Variants in PTPRM observed in about 807,000 individuals in gnomAD.
PTPRM encodes the protein receptor-type tyrosine-protein phosphatase mu.
PTPRM carries 47 observed loss-of-function variants against 186.7 expected under a neutral mutation model. The observed-to-expected ratio is 0.25, with a 90% CI of 0.20 to 0.32. The LOEUF (loss-of-function observed/expected upper bound fraction) is 0.32, where lower values mean the gene tolerates loss of function less well. Ranked by LOEUF, PTPRM falls within the 10% of genes least tolerant of loss-of-function variation. The pLI is 1.00. For synonymous variants in PTPRM, 668 were observed against 674.9 expected, an observed-to-expected ratio of 0.99 and a Z score of 0.16; for missense variants, 1,494 against 1,865.0, an observed-to-expected ratio of 0.80 and a Z score of 3.66.
chr18:7,631,211 T>C (rs1271550151), intron 1 of PTPRM, among the ~76,000 whole-genome samples: 1 of 152,222 alleles, frequency 6.6e-6, no homozygotes, highest in Non-Finnish European at 1.5e-5. Flanking sequence ...TCACTCAGTA[T>C]CTTTAAGCTC....
chr18:7,949,165 A>AC lies in PTPRM; in HGVS notation c.664-12dup, dbSNP rs753764188. 1.3e-6 allele frequency: 2 copies of AC among 1,577,346 alleles called. No individual in the cohort carries two copies. The highest frequency in any genetic ancestry group is 3.4e-5 in the Admixed American group (2 of 59,236). On this transcript the variant is annotated splice_polypyrimidine_tract_variant and intron_variant, in intron 5 of 32. Coordinates refer to ENST00000580170, the MANE Select transcript of PTPRM (RefSeq NM_001105244.2). ...TATATTGCTTCTTTTTGTCCTCCCC[A>AC]CCCCACTTGATACAGGGCATTGATG...
intron 7 of PTPRM, among the ~76,000 whole-genome samples, chr18:7,977,364 C>T (rs996073309): frequency 1.3e-5 from 2 of 152,120 alleles, no homozygotes; most frequent in Admixed American, 6.5e-5. Flanking sequence ...GCTGGGATTA[C>T]AGGCGTGAGT....
intron 1 of PTPRM, among the ~76,000 whole-genome samples, chr18:7,688,985 G>C (rs1568030842): frequency 6.6e-6 from 1 of 152,140 alleles, no homozygotes; most frequent in Non-Finnish European, 1.5e-5. Flanking sequence ...CTAGCTTTAA[G>C]AATTTCAGGA....
At chr18:8,325,827 A>G (rs1036780147) in intron 22 of PTPRM, among the ~76,000 whole-genome samples, 5 of 152,026 alleles carry the variant, frequency 3.3e-5, no homozygotes, top group Non-Finnish European at 5.9e-5. Flanking sequence ...CTTCTCCACA[A>G]CCTCTCCAGC....
At chr18:8,199,865 T>G (rs1326571282) in intron 14 of PTPRM, among the ~76,000 whole-genome samples, 1 of 152,180 alleles carries the variant, frequency 6.6e-6, no homozygotes, top group African/African-American at 2.4e-5. Flanking sequence ...TTATTGGCGC[T>G]GTGTGTATAA....
At chr18:8,079,832 G>A (rs947377491) in intron 9 of PTPRM, among the ~76,000 whole-genome samples, 2 of 151,992 alleles carry the variant, frequency 1.3e-5, no homozygotes, top group Non-Finnish European at 2.9e-5. Flanking sequence ...CATGAAGGAG[G>A]TCTGAGTACA....
chr18:7,955,231 G>A lies in PTPRM; in HGVS notation c.949G>A (p.Glu317Lys), dbSNP rs1045500964. ...TGGGGATGGGCCCATTGTGGCCCGA[G>A]AGGTGGAGTACTGCACGGCCAGTGG... is the stretch of plus-strand genomic sequence containing the variant. Reference protein sequence around the residue: ...INGDGPIVAREVEYCTASGSW... With the variant: ...INGDGPIVARKVEYCTASGSW... The change falls in exon 7 of 33, where the codon GAG becomes AAG. Residue 317 changes from glutamate (E) to lysine (K), a missense_variant. Physicochemically the swap from Glu to Lys is moderately conservative, Grantham distance 56. Around this residue, in one of 3 missense-constraint regions of PTPRM, gnomAD observed 91 missense variants for 169.3 expected, o/e 0.54. Coordinates refer to ENST00000580170, the MANE Select transcript of PTPRM (RefSeq NM_001105244.2). 3.7e-6 allele frequency: 6 copies of A among 1,614,166 alleles called. No homozygotes were observed. Among genetic ancestry groups the A allele is most frequent in the Non-Finnish European group, 5.1e-6 (6 of 1,180,042 alleles).
At chr18:7,632,617 C>A (rs2038218188) in intron 1 of PTPRM, among the ~76,000 whole-genome samples, 1 of 152,170 alleles carries the variant, frequency 6.6e-6, no homozygotes, top group African/African-American at 2.4e-5. Flanking sequence ...CTGGCCACAT[C>A]TGTTTTAATT....
At chr18:8,171,413 T>G (rs1378652643) in intron 14 of PTPRM, among the ~76,000 whole-genome samples, 1 of 152,152 alleles carries the variant, frequency 6.6e-6, no homozygotes, top group Non-Finnish European at 1.5e-5. Context: ...AATGAAATAT[T>G]GAACCAGATG....
chr18:8,223,829 C>G (rs774761295), intron 14 of PTPRM, among the ~76,000 whole-genome samples: 3 of 152,138 alleles, frequency 2.0e-5, no homozygotes, highest in Non-Finnish European at 4.4e-5. Context: ...AGAAATTAAG[C>G]AAAACCATAA....
At chr18:7,765,199 A>G (rs1368017659) in intron 1 of PTPRM, among the ~76,000 whole-genome samples, 1 of 152,160 alleles carries the variant, frequency 6.6e-6, no homozygotes, top group African/African-American at 2.4e-5. Flanking sequence ...CCATAGATTG[A>G]TATGAAATGA....
intron 14 of PTPRM, among the ~76,000 whole-genome samples, chr18:8,220,329 CA>C (rs1487984373): frequency 9.2e-5 from 14 of 152,150 alleles, no homozygotes; most frequent in Non-Finnish European, 1.8e-4. Flanking sequence ...TTTGAGCATG[CA>C]GACATTACAT....
chr18:7,704,894 A>G (rs80059651), intron 1 of PTPRM, among the ~76,000 whole-genome samples: 5,015 of 152,236 alleles, frequency 0.033, 124 homozygotes, highest in Middle Eastern at 0.061. Context: ...CTTAGCTGGG[A>G]GATTTACATT....
At chr18:8,232,151 T>C (rs1434277302) in intron 14 of PTPRM, among the ~76,000 whole-genome samples, 1 of 152,214 alleles carries the variant, frequency 6.6e-6, no homozygotes, top group Non-Finnish European at 1.5e-5. Flanking sequence ...CAGAGTGTTA[T>C]GTAGTTGGAA....
At chr18:8,214,152 G>T (rs12455243) in intron 14 of PTPRM, among the ~76,000 whole-genome samples, 40,794 of 151,810 alleles carry the variant, frequency 0.27, 5,508 homozygotes, top group Middle Eastern at 0.51. Flanking sequence ...TGCCTATTGG[G>T]GTACAGTGTA....
chr18:8,267,233 A>G (rs2094711905), intron 19 of PTPRM, among the ~76,000 whole-genome samples: 1 of 152,196 alleles, frequency 6.6e-6, no homozygotes, highest in Admixed American at 6.5e-5. Context: ...AAACATGAAG[A>G]GAATATACTA....
At chr18:8,142,189 C>CT (rs2092781283) in intron 13 of PTPRM, among the ~76,000 whole-genome samples, 1 of 152,098 alleles carries the variant, frequency 6.6e-6, no homozygotes, top group African/African-American at 2.4e-5. Flanking sequence ...TAAAATTGAC[C>CT]TGTAGAGGCT....
At chr18:8,255,926 C>T (rs1167137174) in intron 19 of PTPRM, among the ~76,000 whole-genome samples, 2 of 152,140 alleles carry the variant, frequency 1.3e-5, no homozygotes, top group Non-Finnish European at 2.9e-5. Flanking sequence ...ATGCTCTGGT[C>T]TTGATGGAGG....
chr18:8,294,726 A>C (rs948343), intron 19 of PTPRM, among the ~76,000 whole-genome samples: 8 of 152,242 alleles, frequency 5.3e-5, no homozygotes, highest in African/African-American at 1.9e-4. Flanking sequence ...TATTATGATA[A>C]TGAAGTGTTA....
Sources: allele counts gnomAD v4.1 joint callset (sites outside exome capture counted in the v4.1 genomes callset), GRCh38; gene constraint gnomAD v4.1.1; regional missense constraint gnomAD v4.1.1; transcripts MANE v1.5; gene names NCBI Gene and HGNC (gene_info 2026-07-23, HGNC 2026-07-21).